Variants in GRID2 observed in about 807,000 individuals in gnomAD.
GRID2 encodes the protein glutamate ionotropic receptor delta type subunit 2, also known as glutamate receptor ionotropic, delta-2.
In GRID2, 33 loss-of-function variants were observed where a neutral mutation model predicts 114.8. The ratio of observed to expected loss-of-function variants is 0.29; its 90% CI spans 0.22 to 0.38. The LOEUF (loss-of-function observed/expected upper bound fraction) is 0.38. Among genes scored for constraint, GRID2 ranks in the 10% least tolerant of loss-of-function variants. GRID2 has a pLI of 1.00. For synonymous variants in GRID2, 505 were observed against 449.9 expected (o/e 1.12, Z -1.55); for missense variants, 1,184 against 1,257.7 (o/e 0.94, Z 0.89).
At chr4:93,407,122 G>A (rs969167877) in intron 9 of GRID2, among the ~76,000 whole-genome samples, 2 of 152,128 alleles carry the variant, frequency 1.3e-5, no homozygotes, top group Non-Finnish European at 2.9e-5. Flanking sequence ...GTCCCTAACT[G>A]GAACTTGGAT....
chr4:93,108,783 A>G (rs1732494209), intron 3 of GRID2, among the ~76,000 whole-genome samples: 1 of 151,956 alleles, frequency 6.6e-6, no homozygotes, highest in Non-Finnish European at 1.5e-5. Context: ...GGCGTGTGCC[A>G]CCACGCCTGA....
intron 4 of GRID2, among the ~76,000 whole-genome samples, chr4:93,114,417 A>C (rs1280733096): frequency 1.3e-5 from 2 of 152,090 alleles, no homozygotes; most frequent in African/African-American, 4.8e-5. Context: ...CAAACACATA[A>C]AATCTATTAT....
At chr4:92,920,425 G>A (rs2149503886) in intron 2 of GRID2, among the ~76,000 whole-genome samples, 1 of 152,302 alleles carries the variant, frequency 6.6e-6, no homozygotes, top group South Asian at 2.1e-4. Context: ...ATTAGTTGAT[G>A]CAGTTTCTTC....
chr4:93,098,131 G>A (rs1384139663), intron 3 of GRID2, among the ~76,000 whole-genome samples: 3 of 151,984 alleles, frequency 2.0e-5, no homozygotes. Flanking sequence ...GTAGAGAGAT[G>A]TGAGATATTT....
At chr4:92,322,176 G>A (rs1418919180) in intron 1 of GRID2, among the ~76,000 whole-genome samples, 2 of 152,120 alleles carry the variant, frequency 1.3e-5, no homozygotes, top group Non-Finnish European at 2.9e-5. Flanking sequence ...ATAAATCAAA[G>A]TTGAAAGCCT....
At chr4:93,051,589 T>A (rs1014581735) in intron 2 of GRID2, among the ~76,000 whole-genome samples, 5 of 152,082 alleles carry the variant, frequency 3.3e-5, no homozygotes, top group Non-Finnish European at 7.4e-5. Flanking sequence ...TTGTCTGAGA[T>A]CGCTGAAGAA....
chr4:93,499,507 T>C (rs1309390645), intron 12 of GRID2, among the ~76,000 whole-genome samples: 1 of 151,932 alleles, frequency 6.6e-6, no homozygotes, highest in Non-Finnish European at 1.5e-5. Context: ...ACAGTCAAGC[T>C]AGACTCTTAT....
chr4:92,683,478 A>T (rs148046406), intron 2 of GRID2, among the ~76,000 whole-genome samples: 1 of 152,218 alleles, frequency 6.6e-6, no homozygotes, highest in African/African-American at 2.4e-5. Flanking sequence ...TTTTTGGCAA[A>T]CTTGAGCAGC....
intron 3 of GRID2, among the ~76,000 whole-genome samples, chr4:93,085,775 C>A (rs1266619901): frequency 6.6e-6 from 1 of 152,066 alleles, no homozygotes; most frequent in African/African-American, 2.4e-5. Flanking sequence ...TCCTTGGAGT[C>A]ACTAAAATTA....
intron 2 of GRID2, among the ~76,000 whole-genome samples, chr4:92,627,427 A>G (rs187962314): frequency 2.0e-5 from 3 of 152,202 alleles, no homozygotes; most frequent in African/African-American, 7.2e-5. Context: ...TGTTATATAT[A>G]TGTGTTTATT....
intron 4 of GRID2, among the ~76,000 whole-genome samples, chr4:93,129,848 A>G (rs1443087744): frequency 6.6e-6 from 1 of 152,100 alleles, no homozygotes; most frequent in Non-Finnish European, 1.5e-5. Context: ...GGGGTGTTCC[A>G]TTTCAGATGG....
At chr4:93,335,224 A>C (rs1352034198) in intron 8 of GRID2, among the ~76,000 whole-genome samples, 2 of 152,224 alleles carry the variant, frequency 1.3e-5, no homozygotes, top group Non-Finnish European at 2.9e-5. Flanking sequence ...AATGAAAAGG[A>C]ATCTCTCTGA....
chr4:93,077,747 GTTA>G (rs1729465028), intron 2 of GRID2, among the ~76,000 whole-genome samples: 1 of 152,090 alleles, frequency 6.6e-6, no homozygotes, highest in Non-Finnish European at 1.5e-5. Context: ...CTGCCAATCA[GTTA>G]TTAAGTATAG....
intron 13 of GRID2, among the ~76,000 whole-genome samples, chr4:93,586,544 C>A (rs1737554411): frequency 6.6e-6 from 1 of 152,110 alleles, no homozygotes; most frequent in African/African-American, 2.4e-5. Context: ...ATTCTAGACA[C>A]TTGACATACA....
intron 2 of GRID2, among the ~76,000 whole-genome samples, chr4:93,026,892 GGCCTGAAAAACT>G (rs1437496974): frequency 1.3e-5 from 2 of 151,896 alleles, no homozygotes; most frequent in African/African-American, 4.8e-5. Flanking sequence ...AAATGATAAT[GGCCTGAAAAACT>G]GCCCATTTAT....
chr4:93,083,038 CTG>C (rs77686797), intron 2 of GRID2, among the ~76,000 whole-genome samples: 9,320 of 152,088 alleles, frequency 0.061, 570 homozygotes, highest in African/African-American at 0.16. Flanking sequence ...ATGTTTATAA[CTG>C]TATAAATTTT....
intron 14 of GRID2, among the ~76,000 whole-genome samples, chr4:93,754,432 T>C (rs1732580245): frequency 6.6e-6 from 1 of 152,238 alleles, no homozygotes; most frequent in South Asian, 2.1e-4. Flanking sequence ...GTTACTCTTC[T>C]TTCTATGACA....
At chr4:93,541,103 A>C (rs1167692788) in intron 13 of GRID2, among the ~76,000 whole-genome samples, 1 of 152,146 alleles carries the variant, frequency 6.6e-6, no homozygotes, top group Non-Finnish European at 1.5e-5. Context: ...TGTCGTTGAG[A>C]GACACTATGG....
At chr4:93,746,684 A>G (rs566241255) in intron 14 of GRID2, among the ~76,000 whole-genome samples, 31 of 152,270 alleles carry the variant, frequency 2.0e-4, no homozygotes, top group Non-Finnish European at 4.0e-4. Context: ...TGATATGAAC[A>G]TTATTTAAAC....
Sources: gnomAD v4.1 joint callset for allele counts (sites outside exome capture counted in the v4.1 genomes callset) on GRCh38, gnomAD v4.1.1 for gene constraint, MANE v1.5 for transcripts, NCBI Gene and HGNC (gene_info 2026-07-23, HGNC 2026-07-21) for gene names.